Variants in TLN2 observed in about 807,000 individuals in gnomAD.
TLN2 encodes the protein talin 2, also known as talin-2.
TLN2 carries 118 observed loss-of-function variants against 294.7 expected under a neutral mutation model. That is an observed-to-expected ratio of 0.40 (90% CI 0.34 to 0.47). The LOEUF (loss-of-function observed/expected upper bound fraction) is 0.47, where lower values mean the gene tolerates loss of function less well. TLN2 is among the 20% of genes least tolerant of loss of function. The pLI is 0.84. For missense variants in TLN2, 3,083 were observed against 3,282.2 expected, an observed-to-expected ratio of 0.94 and a Z score of 1.48; for synonymous variants, 1,431 against 1,304.5, an observed-to-expected ratio of 1.10 and a Z score of -2.09.
chr15:62,509,869 G>T (rs1282571462), intron 1 of TLN2, among the ~76,000 whole-genome samples: 1 of 152,170 alleles, frequency 6.6e-6, no homozygotes, highest in Non-Finnish European at 1.5e-5. Context: ...AGAGAATCCG[G>T]TGGCTTTGGA....
intron 1 of TLN2, among the ~76,000 whole-genome samples, chr15:62,481,920 C>A (rs1487535182): frequency 6.6e-6 from 1 of 150,838 alleles, no homozygotes; most frequent in Non-Finnish European, 1.5e-5. Context: ...CCTCAGCCTC[C>A]CGAGTAGCTG....
chr15:62,614,351 CA>C (rs927531359), intron 2 of TLN2, among the ~76,000 whole-genome samples: 1 of 152,178 alleles, frequency 6.6e-6, no homozygotes, highest in African/African-American at 2.4e-5. Flanking sequence ...GTCTTCTGAT[CA>C]AATCCTCTGT....
chr15:62,636,934 C>T (rs544389246), intron 3 of TLN2, among the ~76,000 whole-genome samples: 1 of 152,172 alleles, frequency 6.6e-6, no homozygotes, highest in South Asian at 2.1e-4. Context: ...TGAATGCCCT[C>T]CCTGAGCACT....
chr15:62,797,739 C>T (rs2065607170), intron 48 of TLN2, among the ~76,000 whole-genome samples: 1 of 152,092 alleles, frequency 6.6e-6, no homozygotes, highest in South Asian at 2.1e-4. Context: ...CACAGGAGCT[C>T]CCTGAAGGGA....
In TLN2 at chr15:62,809,938, A is replaced by G. The variant is rs1290538763; in HGVS notation, c.6677A>G (p.His2226Arg). Reference protein sequence around the residue: ...MLTACKQASFHPDVSDEVRTR... With the variant: ...MLTACKQASFRPDVSDEVRTR... ...TTCTCTCTCCAGCAAGCATCCTTCC[A>G]CCCCGATGTCAGTGACGAGGTGAGA... The change falls in exon 52 of 59, where the codon CAC becomes CGC. Residue 2226 changes from histidine to arginine, a missense_variant. Transcript: ENST00000636159. 1 of 1,613,566 alleles carries G rather than the reference A, an allele frequency of 6.2e-7. No homozygotes were observed.
At chr15:62,738,476 C>A in intron 30 of TLN2, 143 bp downstream of exon 30, 2 of 1,242,082 alleles carry the variant, frequency 1.6e-6, no homozygotes, top group East Asian at 2.6e-5. Flanking sequence ...CTTTGTTTTC[C>A]ATGTTTTGCT....
At chr15:62,428,002 T>C (rs1030145845) in intron 1 of TLN2, among the ~76,000 whole-genome samples, 2 of 152,190 alleles carry the variant, frequency 1.3e-5, no homozygotes, top group Non-Finnish European at 2.9e-5. Context: ...GTAGGATCTT[T>C]AGGGTCTGTA....
At chr15:62,657,154 G>GGA (rs2053306848) in intron 8 of TLN2, among the ~76,000 whole-genome samples, 1 of 6,908 alleles carries the variant, frequency 1.4e-4, no homozygotes, top group Non-Finnish European at 2.0e-3. Flanking sequence ...CTGAAAAGGT[G>GGA]GGGGGGGGAA....
At chr15:62,679,759 T>C (rs2056629187) in intron 11 of TLN2, among the ~76,000 whole-genome samples, 1 of 152,238 alleles carries the variant, frequency 6.6e-6, no homozygotes, top group Non-Finnish European at 1.5e-5. Flanking sequence ...ATGCTAACAA[T>C]GGTACAGTAA....
Position 62,835,769 on chromosome 15 carries a change from C to G in TLN2, c.7161C>G (p.Asp2387Glu), listed in dbSNP as rs531624339. Reference sequence around the variant, plus strand: ...CCATCCCTGCCAATGCTGCAGACGACGGACAGTGGTCACAGGGGCTGATTT... The same window carrying G: ...CCATCCCTGCCAATGCTGCAGACGAGGGACAGTGGTCACAGGGGCTGATTT... Reference protein sequence around the residue: ...VGSIPANAADDGQWSQGLISA... With the variant: ...VGSIPANAADEGQWSQGLISA... The change falls in exon 56 of 59, where the codon GAC (aspartate) becomes GAG (glutamate). Residue 2387 changes from aspartate (D) to glutamate (E), a missense_variant. Coordinates refer to ENST00000636159, the MANE Select transcript of TLN2 (RefSeq NM_015059.3). 3 of 1,614,076 alleles carry G rather than the reference C, an allele frequency of 1.9e-6. No homozygotes were observed. The highest frequency in any genetic ancestry group is 2.5e-6 in the Non-Finnish European group (3 of 1,180,042).
chr15:62,789,345 T>G (rs2064917599), intron 45 of TLN2, among the ~76,000 whole-genome samples: 1 of 152,150 alleles, frequency 6.6e-6, no homozygotes, highest in South Asian at 2.1e-4. Context: ...TCTCATCCCC[T>G]TGTTTTCTGG....
intron 1 of TLN2, among the ~76,000 whole-genome samples, chr15:62,552,805 C>G (rs2042397260): frequency 6.6e-6 from 1 of 152,154 alleles, no homozygotes; most frequent in African/African-American, 2.4e-5. Context: ...GATTGGCTAA[C>G]AAAAATTTTG....
At chr15:62,606,475 C>T (rs573617069) in intron 2 of TLN2, among the ~76,000 whole-genome samples, 54 of 152,160 alleles carry the variant, frequency 3.5e-4, no homozygotes, top group African/African-American at 1.3e-3. Context: ...AAAAGTTTAG[C>T]GATGATAGAA....
chr15:62,766,699 C>G (rs969968550), intron 41 of TLN2, among the ~76,000 whole-genome samples: 5 of 152,176 alleles, frequency 3.3e-5, no homozygotes, highest in African/African-American at 1.2e-4. Flanking sequence ...TTACAGTCAT[C>G]CGTTGCAATC....
At chr15:62,512,048 G>A (rs1567045335) in intron 1 of TLN2, among the ~76,000 whole-genome samples, 1 of 152,096 alleles carries the variant, frequency 6.6e-6, no homozygotes, top group Non-Finnish European at 1.5e-5. Flanking sequence ...TCCTCTTCCA[G>A]CACTTACTTC....
At chr15:62,404,697 G>C (rs565920341) in intron 1 of TLN2, among the ~76,000 whole-genome samples, 2 of 142,350 alleles carry the variant, frequency 1.4e-5, no homozygotes, top group East Asian at 2.9e-4. Flanking sequence ...ATGCATGCTG[G>C]ATCTTCCAAG....
chr15:62,596,926 G>T (rs1032973035), intron 2 of TLN2, among the ~76,000 whole-genome samples: 11 of 151,714 alleles, frequency 7.3e-5, no homozygotes, highest in African/African-American at 2.7e-4. Context: ...CTTCTTTTAC[G>T]GGGGCTTCCA....
chr15:62,462,407 G>C (rs190562085), intron 1 of TLN2, among the ~76,000 whole-genome samples: 1 of 152,290 alleles, frequency 6.6e-6, no homozygotes, highest in Admixed American at 6.5e-5. Context: ...CTTCTGAAAG[G>C]CCCGTGGGCT....
rs141504766 is a variant in TLN2, at chr15:62,750,680, G to A, written c.4209+189G>A. Among the ~76,000 whole-genome samples, 9 of 152,248 alleles carry A rather than the reference G, an allele frequency of 5.9e-5. No individual in the cohort carries two copies. In the East Asian group the frequency reaches 1.4e-3, roughly 23 times the overall value. On this transcript the variant is annotated intron_variant, in intron 34 of 58. Transcript: ENST00000636159. ...TGACGGTGCATCAGAATCACCTGGA[G>A]GGCTTGTTAAATACAGATTGCCTAC...
Sources: allele counts gnomAD v4.1 joint callset (sites outside exome capture counted in the v4.1 genomes callset), GRCh38; gene constraint gnomAD v4.1.1; transcripts MANE v1.5; gene names NCBI Gene and HGNC (gene_info 2026-07-23, HGNC 2026-07-21).